Variants in SRSF11 observed in about 807,000 individuals in gnomAD.
SRSF11 encodes the protein serine and arginine rich splicing factor 11, also known as serine/arginine-rich splicing factor 11.
Under a neutral mutation model 56.0 loss-of-function variants are expected in SRSF11, and 9 were observed. That is an observed-to-expected ratio of 0.16 (90% CI 0.10 to 0.28). SRSF11 has a LOEUF of 0.28. Among genes scored for constraint, SRSF11 ranks in the 10% least tolerant of loss-of-function variants. The pLI is 1.00. For synonymous variants in SRSF11, 222 were observed against 215.3 expected (o/e 1.03, Z -0.27); for missense variants, 421 against 600.7 (o/e 0.70, Z 3.13).
chr1:70,245,231 T>C (rs1676477459), intron 8 of SRSF11, among the ~76,000 whole-genome samples: 1 of 152,228 alleles, frequency 6.6e-6, no homozygotes, highest in African/African-American at 2.4e-5. Flanking sequence ...AGCAACTGCT[T>C]TTTATCTCTT....
In SRSF11 at chr1:70,251,127, A is replaced by T. The variant is rs1677892334; in HGVS notation, c.*322A>T. On this transcript the variant is annotated 3_prime_UTR_variant, in exon 12 of 12. Coordinates refer to ENST00000370949, the MANE Select transcript of SRSF11 (RefSeq NM_001350605.2). ...TTGTTTATGTCGTATGATATCCTTT[A>T]TTAAGTAAGTTCACTTATAGTATTT... 4.4e-6 allele frequency: 1 copy of T among 227,064 alleles called. No individual in the cohort carries two copies. Among genetic ancestry groups the T allele is most frequent in the African/African-American group, 2.3e-5 (1 of 44,322 alleles). The allele number at this position is 227,064 out of a possible 1,614,324, so 14.1% of individuals were successfully genotyped here.
chr1:70,232,273 A>G lies in SRSF11; in HGVS notation c.343A>G (p.Ile115Val). Reference protein sequence around the residue: ...LIVVPYAEGVIPDEAKALSLL... With the variant: ...LIVVPYAEGVVPDEAKALSLL... ...GCAAGGATGTTTCTCTGCAGGAGTT[A>G]TTCCTGATGAAGCTAAAGCTTTGTC... Residue 115 changes from isoleucine (I) to valine (V), a missense_variant, in exon 3 of 12, where the codon ATT becomes GTT. Ile to Val is a conservative substitution (Grantham distance 29). Around this residue, in one of 2 missense-constraint regions of SRSF11, gnomAD observed 168 missense variants for 294.9 expected, o/e 0.57. Coordinates refer to ENST00000370949, the MANE Select transcript of SRSF11 (RefSeq NM_001350605.2). The G allele has an allele frequency of 1.9e-6, 3 of 1,614,158 alleles. No homozygotes were observed. The highest frequency in any genetic ancestry group is 2.5e-6 in the Non-Finnish European group (3 of 1,180,020).
At chr1:70,249,710 A>G (rs1677558539) in intron 9 of SRSF11, 8 of 396,592 alleles carry the variant, frequency 2.0e-5, no homozygotes, top group Non-Finnish European at 3.7e-5. Context: ...GGCATGCACC[A>G]CCACACCTGG....
At chr1:70,231,595 A>C (rs1571756503) in intron 2 of SRSF11, 2 of 1,128,902 alleles carry the variant, frequency 1.8e-6, no homozygotes, top group South Asian at 4.2e-5. Context: ...TGTTTTACCT[A>C]TCTCTCTTTC....
upstream of SRSF11, chr1:70,221,267 C>T: frequency 3.9e-6 from 1 of 258,992 alleles, no homozygotes; most frequent in Non-Finnish European, 7.3e-6. Flanking sequence ...TTTCTCTAGA[C>T]CCCGGTGCCT....
chr1:70,224,886 T>C (rs181046235), intron 1 of SRSF11, among the ~76,000 whole-genome samples: 191 of 152,338 alleles, frequency 1.3e-3, no homozygotes, highest in Middle Eastern at 3.4e-3. Flanking sequence ...TGAATATCTA[T>C]TGTGTGTGAG....
In SRSF11 at chr1:70,251,903, T is replaced by C. The variant is rs926096938; in HGVS notation, c.*1098T>C. ...TTACAGAAGTTTCAAGCTTCACTTT[T>C]GTGCAGTAGAAACAAAAGTAGGCTA... On this transcript the variant is annotated 3_prime_UTR_variant, in exon 12 of 12. Transcript: ENST00000370949. 6.6e-6 allele frequency: 1 copy of C among 152,608 alleles called. No homozygotes were observed. Among genetic ancestry groups the C allele is most frequent in the African/African-American group, 2.4e-5 (1 of 41,454 alleles). The allele number at this position is 152,608 out of a possible 1,614,324, so 9.5% of individuals were successfully genotyped here.
At chr1:70,249,853 T>C in intron 9 of SRSF11, 99 bp from the exon 10 acceptor site, 5 of 1,309,394 alleles carry the variant, frequency 3.8e-6, no homozygotes. Context: ...AGCCACTACA[T>C]CTGGCCACAT....
Position 70,234,806 on chromosome 1 carries a change from C to A in SRSF11, c.540+18C>A, listed in dbSNP as rs1288582836. 1 of 1,558,036 alleles carries A rather than the reference C, an allele frequency of 6.4e-7. No individual in the cohort carries two copies. Among genetic ancestry groups the A allele is most frequent in the Non-Finnish European group, 8.7e-7 (1 of 1,150,526 alleles). On this transcript the variant is annotated intron_variant, in intron 4 of 11. Coordinates refer to ENST00000370949, the MANE Select transcript of SRSF11 (RefSeq NM_001350605.2). The stretch of plus-strand genomic sequence containing the variant: ...ACTCTCAGGTATACCTTAGTAACTT[C>A]AAATTTTTCACCCATTTTTACAGAA...
At chr1:70,219,218 T>G (rs1200485241), upstream of SRSF11, among the ~76,000 whole-genome samples, 1 of 152,224 alleles carries the variant, frequency 6.6e-6, no homozygotes, top group Middle Eastern at 3.2e-3. Flanking sequence ...TAAGGGTTAC[T>G]CAAGAGTATG....
intron 7 of SRSF11, among the ~76,000 whole-genome samples, chr1:70,239,806 C>T (rs988730200): frequency 1.3e-5 from 2 of 152,002 alleles, no homozygotes; most frequent in African/African-American, 2.4e-5. Context: ...TACAAGTTTC[C>T]AAATACTGAC....
intron 7 of SRSF11, among the ~76,000 whole-genome samples, chr1:70,240,558 A>G (rs1401186527): frequency 6.6e-6 from 1 of 152,158 alleles, no homozygotes; most frequent in African/African-American, 2.4e-5. Context: ...GCAAACGACA[A>G]TATAAAAGCC....
At position 70,244,677 on chromosome 1, in the gene SRSF11, C is replaced by T; in HGVS notation, c.801-7C>T. 6.2e-7 allele frequency: 1 copy of T among 1,613,540 alleles called. No homozygotes were observed. Among genetic ancestry groups the T allele is most frequent in the Non-Finnish European group, 8.5e-7 (1 of 1,179,656 alleles). On this transcript the variant is annotated splice_polypyrimidine_tract_variant and splice_region_variant and intron_variant, in intron 7 of 11. Transcript: ENST00000370949. Reference sequence around the variant, plus strand: ...ACACATGTATTGGCTTCCTTTTACACTATTAGGCGGTCAAGAAGCAGATCG... The same window carrying T: ...ACACATGTATTGGCTTCCTTTTACATTATTAGGCGGTCAAGAAGCAGATCG...
chr1:70,218,059 G>A (rs930487205), upstream of SRSF11, among the ~76,000 whole-genome samples: 18 of 152,142 alleles, frequency 1.2e-4, no homozygotes, highest in African/African-American at 3.1e-4. Flanking sequence ...ACGCGATCTC[G>A]GTTCACGCCA....
chr1:70,243,056 CAA>C (rs1350727552), intron 7 of SRSF11, among the ~76,000 whole-genome samples: 2 of 151,774 alleles, frequency 1.3e-5, no homozygotes, highest in Admixed American at 1.3e-4. Flanking sequence ...TTCAATAACT[CAA>C]ATAGTTTATT....
chr1:70,216,582 C>T (rs904694934), upstream of SRSF11, among the ~76,000 whole-genome samples: 1 of 152,026 alleles, frequency 6.6e-6, no homozygotes, highest in African/African-American at 2.4e-5. Flanking sequence ...CAGGTGCACA[C>T]CACTACACCC....
At chr1:70,239,975 C>G (rs1348722715) in intron 7 of SRSF11, among the ~76,000 whole-genome samples, 1 of 152,150 alleles carries the variant, frequency 6.6e-6, no homozygotes, top group Non-Finnish European at 1.5e-5. Context: ...ACAGATTCAT[C>G]TATTTTCCTT....
intron 9 of SRSF11, chr1:70,249,691 G>C: frequency 3.2e-6 from 1 of 313,384 alleles, no homozygotes. Flanking sequence ...CTGAGTAGCT[G>C]GGACTACAGG....
At chr1:70,248,424 A>G (rs1042581969) in intron 9 of SRSF11, 4 of 152,130 alleles carry the variant, frequency 2.6e-5, no homozygotes, top group African/African-American at 9.6e-5. Flanking sequence ...AGGCAAATCT[A>G]TAAAGATACC....
Sources: allele counts gnomAD v4.1 joint callset (sites outside exome capture counted in the v4.1 genomes callset), GRCh38; gene constraint gnomAD v4.1.1; regional missense constraint gnomAD v4.1.1; transcripts MANE v1.5; gene names NCBI Gene and HGNC (gene_info 2026-07-23, HGNC 2026-07-21).